The following GPT2 variants were observed in gnomAD, a reference collection of about 807,000 sequenced individuals.
GPT2 encodes glutamic--pyruvic transaminase 2.
A neutral mutation model predicts 56.9 loss-of-function variants in GPT2; 30 were observed. That is an observed-to-expected ratio of 0.53 (90% CI 0.39 to 0.72). The LOEUF is 0.72. Among genes scored for constraint, GPT2 ranks in the 30% least tolerant of loss-of-function variants. The pLI, the probability that GPT2 is intolerant of heterozygous loss-of-function variation, is 0.00. For synonymous variants in GPT2, 271 were observed against 283.1 expected, an observed-to-expected ratio of 0.96 and a Z score of 0.43; for missense variants, 542 against 703.4, an observed-to-expected ratio of 0.77 and a Z score of 2.60.
intron 3 of GPT2, among the ~76,000 whole-genome samples, chr16:46,900,237 G>A (rs1412059573): frequency 2.0e-5 from 3 of 152,044 alleles, no homozygotes; most frequent in African/African-American, 7.2e-5. Flanking sequence ...AGGAAAGGGG[G>A]TGATGAGGAA....
Position 46,897,738 on chromosome 16 carries a change from G to A in GPT2, c.333+1G>A. ...GCAGCCAATCACCTTCCTCCGGCAGGTGAGCCGCCCCCAGGAGCAGAGGCT... is the reference window on the plus strand; with the variant it reads ...GCAGCCAATCACCTTCCTCCGGCAGATGAGCCGCCCCCAGGAGCAGAGGCT... On this transcript the variant is annotated splice_donor_variant, in intron 3 of 11. Transcript: ENST00000340124. LOFTEE classifies it high-confidence loss of function. The A allele has an allele frequency of 1.9e-6, 3 of 1,613,980 alleles. No individual in the cohort carries two copies. The highest frequency in any genetic ancestry group is 2.2e-5 in the East Asian group (1 of 44,870).
chr16:46,913,044 C>G (rs1377722777), intron 6 of GPT2, among the ~76,000 whole-genome samples: 1 of 152,194 alleles, frequency 6.6e-6, no homozygotes, highest in Non-Finnish European at 1.5e-5. Flanking sequence ...ATGTCTCCCC[C>G]AGCTGTGCCC....
intron 2 of GPT2, among the ~76,000 whole-genome samples, chr16:46,888,087 TG>T (rs1596858089): frequency 1.3e-5 from 2 of 152,084 alleles, no homozygotes; most frequent in African/African-American, 4.8e-5. Context: ...TATTGGGGGA[TG>T]GGGGTTGGGG....
intron 2 of GPT2, among the ~76,000 whole-genome samples, chr16:46,887,744 T>C (rs1486303722): frequency 6.6e-6 from 1 of 152,134 alleles, no homozygotes; most frequent in Non-Finnish European, 1.5e-5. Flanking sequence ...CTGCAAACAA[T>C]GTGGGCCGTT....
intron 2 of GPT2, among the ~76,000 whole-genome samples, chr16:46,890,386 C>T (rs1380248199): frequency 2.0e-5 from 3 of 152,208 alleles, no homozygotes; most frequent in Admixed American, 6.5e-5. Context: ...CTCTCTCCCA[C>T]ACCCTGCCAT....
At chr16:46,923,383 A>G (rs1431794343) in intron 9 of GPT2, among the ~76,000 whole-genome samples, 1 of 152,206 alleles carries the variant, frequency 6.6e-6, no homozygotes, top group Non-Finnish European at 1.5e-5. Flanking sequence ...ACTTGAACCC[A>G]GGAGGCGGAG....
chr16:46,928,001 G>T (rs1961451963), intron 11 of GPT2, among the ~76,000 whole-genome samples: 1 of 152,084 alleles, frequency 6.6e-6, no homozygotes, highest in South Asian at 2.1e-4. Flanking sequence ...CAAACTCTAG[G>T]AAAGCCCGAG....
chr16:46,900,646 G>T (rs1960797820), intron 3 of GPT2, 36 bp from the exon 4 acceptor site: 1 of 1,525,206 alleles, frequency 6.6e-7, no homozygotes, highest in African/African-American at 1.4e-5. Context: ...TAGGAGTGGG[G>T]GTGCTGGGAG....
chr16:46,913,217 G>T (rs1961079028), intron 6 of GPT2, among the ~76,000 whole-genome samples: 1 of 152,170 alleles, frequency 6.6e-6, no homozygotes, highest in Non-Finnish European at 1.5e-5. Context: ...GCACACACTG[G>T]GTCTCATTTC....
At chr16:46,885,259 T>A (rs562064930) in intron 2 of GPT2, 1 of 1,152,960 alleles carries the variant, frequency 8.7e-7, no homozygotes, top group South Asian at 4.1e-5. Flanking sequence ...GGAACCAAGG[T>A]CCAGTGGAGA....
chr16:46,895,489 C>T (rs1960668561), intron 2 of GPT2, among the ~76,000 whole-genome samples: 1 of 151,912 alleles, frequency 6.6e-6, no homozygotes, highest in South Asian at 2.1e-4. Context: ...CACACCATTG[C>T]ACTCCAGTCT....
chr16:46,904,598 G>A (rs1960884214), intron 4 of GPT2, among the ~76,000 whole-genome samples: 2 of 152,302 alleles, frequency 1.3e-5, no homozygotes, highest in Admixed American at 6.5e-5. Flanking sequence ...CCTTGGAAGG[G>A]TAGAAAGTCT....
In GPT2 at chr16:46,909,808, A is replaced by G. The variant is rs1961009905; in HGVS notation, c.701A>G (p.Tyr234Cys). The change falls in exon 6 of 12, where the codon TAC becomes TGC. Residue 234 changes from tyrosine to cysteine, a missense_variant. By Grantham distance (194) the Tyr-to-Cys change is radical (BLOSUM62 -2). Transcript: ENST00000340124. ...SELDAIQVNYYLDEENCWALN... is the reference protein window; with the variant it reads ...SELDAIQVNYCLDEENCWALN... ...CTCGACGCCATCCAGGTGAATTACTACCTGGACGAGGAGAACTGCTGGGCG... is the reference window on the plus strand; with the variant it reads ...CTCGACGCCATCCAGGTGAATTACTGCCTGGACGAGGAGAACTGCTGGGCG... The G allele has an allele frequency of 1.2e-6, 2 of 1,614,094 alleles. No individual in the cohort carries two copies. Among genetic ancestry groups the G allele is most frequent in the Non-Finnish European group, 8.5e-7 (1 of 1,180,012 alleles).
chr16:46,904,101 C>T (rs1216988069), intron 4 of GPT2, among the ~76,000 whole-genome samples: 1 of 152,188 alleles, frequency 6.6e-6, no homozygotes, highest in African/African-American at 2.4e-5. Context: ...GGGAGTTTGG[C>T]AGTGGGTCCT....
At position 46,902,729 on chromosome 16, in the gene GPT2, G is replaced by A. The variant is rs553107570; in HGVS notation, c.442+1939G>A. Among the ~76,000 whole-genome samples, 473 of 152,164 alleles carry A rather than the reference G, an allele frequency of 3.1e-3. 2 individuals are homozygous for A. Among genetic ancestry groups the A allele is most frequent in the African/African-American group, 0.011 (454 of 41,546 alleles). On this transcript the variant is annotated intron_variant, in intron 4 of 11. Coordinates refer to ENST00000340124, the MANE Select transcript of GPT2 (RefSeq NM_133443.4). The stretch of plus-strand genomic sequence containing the variant: ...CAACCTCTGCCTCCCGGGTTCAAGC[G>A]ATTCTTCTGCCTCAGCCTCCTGAGT...
chr16:46,885,306 T>G (rs905556098), intron 2 of GPT2: 109 of 945,670 alleles, frequency 1.2e-4, no homozygotes, highest in Middle Eastern at 1.0e-3. Context: ...AGCAATAGAG[T>G]CTCAGTGATA....
rs114010807 is a variant in GPT2 at position 46,902,589 on chromosome 16, T to C, written c.442+1799T>C. Among the ~76,000 whole-genome samples, 840 of 152,260 alleles carry C rather than the reference T, an allele frequency of 5.5e-3. 7 individuals are homozygous for C. The highest frequency in any genetic ancestry group is 0.019 in the African/African-American group (783 of 41,574). The stretch of plus-strand genomic sequence containing the variant: ...GCCACCCTGACCCACAGGGAGATTA[T>C]TAAATATGTATACAAAGTCTTGAAG... On this transcript the variant is annotated intron_variant, in intron 4 of 11. Transcript: ENST00000340124.
chr16:46,927,106 G>C lies in GPT2; in HGVS notation c.1481+69G>C. Reference sequence around the variant, plus strand: ...CAGGGAAATGTGGACTTCTTGACATGGAGCAGAGGACTACTTCAAAGAGAG... The same window carrying C: ...CAGGGAAATGTGGACTTCTTGACATCGAGCAGAGGACTACTTCAAAGAGAG... On this transcript the variant is annotated intron_variant, in intron 11 of 11. Coordinates refer to ENST00000340124, the MANE Select transcript of GPT2 (RefSeq NM_133443.4). The C allele has an allele frequency of 3.2e-6, 3 of 944,788 alleles. No homozygotes were observed. In the South Asian group the frequency reaches 5.1e-5, roughly 16 times the overall value. The allele number at this position is 944,788 out of a possible 1,614,324, so 58.5% of individuals were successfully genotyped here.
chr16:46,907,100 TC>T, intron 5 of GPT2, 125 bp downstream of exon 5: 2 of 1,265,590 alleles, frequency 1.6e-6, no homozygotes, highest in Non-Finnish European at 2.2e-6. Context: ...CACCCTCTGG[TC>T]CCCCAGCCCT....
Sources: gnomAD v4.1 joint callset for allele counts (sites outside exome capture counted in the v4.1 genomes callset) on GRCh38, gnomAD v4.1.1 for gene constraint, MANE v1.5 for transcripts, NCBI Gene and HGNC (gene_info 2026-07-23, HGNC 2026-07-21) for gene names.